The following TET1 variants were observed in gnomAD, a reference collection of about 807,000 sequenced individuals.
TET1 encodes tet methylcytosine dioxygenase 1, also known as methylcytosine dioxygenase TET1.
In TET1, 13 loss-of-function variants were observed where a neutral mutation model predicts 148.7. The ratio of observed to expected loss-of-function variants is 0.09; its 90% CI spans 0.06 to 0.14. The LOEUF (loss-of-function observed/expected upper bound fraction) is 0.14. Among genes scored for constraint, TET1 ranks in the 10% least tolerant of loss-of-function variants. The probability of loss-of-function intolerance (pLI) is 1.00; values close to 1 mark genes in which losing one functional copy is unlikely to be tolerated. For synonymous variants in TET1, 907 were observed against 937.2 expected, an observed-to-expected ratio of 0.97 and a Z score of 0.59; for missense variants, 2,182 against 2,553.8, an observed-to-expected ratio of 0.85 and a Z score of 3.14.
At chr10:68,611,872 GA>G (rs2054220534) in intron 3 of TET1, among the ~76,000 whole-genome samples, 1 of 136,284 alleles carries the variant, frequency 7.3e-6, no homozygotes, top group Non-Finnish European at 1.6e-5. Context: ...GAGAGAGAGA[GA>G]GAGAGAGGGA....
rs753082176 is a variant in TET1, at chr10:68,691,310, T to C, written c.5907T>C (p.Pro1969=). The change falls in exon 12 of 12, where the codon CCT becomes CCC. Residue 1969 remains proline (P), a synonymous_variant. Coordinates refer to ENST00000373644, the MANE Select transcript of TET1 (RefSeq NM_030625.3). The surrounding 1 kb of genome is among the most constrained non-coding windows in gnomAD (Gnocchi z 4.4). ...AGCAGCATTCTGAAGCAGATGAGCCTCCATCAGACGAACCCCTATCTGATG... is the reference window on the plus strand; with the variant it reads ...AGCAGCATTCTGAAGCAGATGAGCCCCCATCAGACGAACCCCTATCTGATG... ...EDEQHSEADE[P]PSDEPLSDDP... is the part of the protein sequence containing the mutation. 1.1e-5 allele frequency: 18 copies of C among 1,614,046 alleles called. No homozygotes were observed. The East Asian group carries it at 3.8e-4, about 34-fold the overall frequency.
intron 2 of TET1, among the ~76,000 whole-genome samples, chr10:68,581,486 G>A (rs1049639309): frequency 6.6e-6 from 1 of 152,186 alleles, no homozygotes; most frequent in Non-Finnish European, 1.5e-5. Flanking sequence ...AGACATTAGA[G>A]AGTAGGTGCT....
At chr10:68,615,179 C>T (rs1298371744) in intron 3 of TET1, among the ~76,000 whole-genome samples, 2 of 151,806 alleles carry the variant, frequency 1.3e-5, no homozygotes, top group Non-Finnish European at 2.9e-5. Context: ...GATCCACCCG[C>T]CTGGGCCTCC....
chr10:68,644,105 A>G (rs1179326284), intron 3 of TET1, among the ~76,000 whole-genome samples: 1 of 151,986 alleles, frequency 6.6e-6, no homozygotes, highest in Non-Finnish European at 1.5e-5. Context: ...GGGTTTCACC[A>G]TATTGGCCAT....
At position 68,693,101 on chromosome 10, in the gene TET1, A is replaced by G. The variant is rs2055614245; in HGVS notation, c.*1287A>G. ...TTTATCTTAGCATACTAGATTTGGG[A>G]AAATGATAACTCATCTTTTCTGATA... On this transcript the variant is annotated 3_prime_UTR_variant, in exon 12 of 12. Transcript: ENST00000373644. The G allele has an allele frequency of 4.4e-6, 1 of 229,750 alleles. No homozygotes were observed. The highest frequency in any genetic ancestry group is 8.5e-6 in the Non-Finnish European group (1 of 117,068). The allele number at this position is 229,750 out of a possible 1,614,324, so 14.2% of individuals were successfully genotyped here. A position where few individuals can be genotyped will look rare whatever the true frequency, so the allele number is the denominator to read the frequency against.
intron 6 of TET1, among the ~76,000 whole-genome samples, chr10:68,665,665 C>CT (rs1392548904): frequency 6.6e-6 from 1 of 151,824 alleles, no homozygotes; most frequent in East Asian, 1.9e-4. Flanking sequence ...ATTTTGACAA[C>CT]TTGAATATTA....
rs2055278033 is a variant in TET1 at position 68,671,961 on chromosome 10, C to T, written c.4674-934C>T. ...GTTTCCCCATGTTGGTCAGGGTGGT[C>T]TTGAACTCCTGACCTCATGATCCGC... On this transcript the variant is annotated intron_variant, in intron 7 of 11. Transcript: ENST00000373644. Among the ~76,000 whole-genome samples, 5 of 152,200 alleles carry T rather than the reference C, an allele frequency of 3.3e-5. 1 individual carries two copies. In the South Asian group the frequency reaches 1.0e-3, roughly 32 times the overall value.
chr10:68,635,911 G>A (rs1293709244), intron 3 of TET1, among the ~76,000 whole-genome samples: 1 of 152,180 alleles, frequency 6.6e-6, no homozygotes, highest in Non-Finnish European at 1.5e-5. Flanking sequence ...TGAGAGTGAA[G>A]CTTCAAGGAA....
At chr10:68,688,430 C>CTTTTT (rs56149036) in intron 11 of TET1, among the ~76,000 whole-genome samples, 1 of 90,114 alleles carries the variant, frequency 1.1e-5, no homozygotes, top group African/African-American at 4.2e-5. Context: ...CTTTTGATAG[C>CTTTTT]TTTTTTTTTT....
Position 68,646,162 on chromosome 10 carries a change from C to A in TET1, c.3433C>A (p.Pro1145Thr). The change falls in exon 4 of 12, where the codon CCA (proline) becomes ACA (threonine). Residue 1145 changes from proline (P) to threonine (T), a missense_variant. By Grantham distance (38) the Pro-to-Thr change is conservative. Around this residue, in one of 11 missense-constraint regions of TET1, gnomAD observed 582 missense variants for 599.5 expected, o/e 0.97. Coordinates refer to ENST00000373644, the MANE Select transcript of TET1 (RefSeq NM_030625.3). ...TTCATCATTAACAAAACAAAAGAACCCAACCCAGAAAAAGACAAAATCCAC... is the reference window on the plus strand; with the variant it reads ...TTCATCATTAACAAAACAAAAGAACACAACCCAGAAAAAGACAAAATCCAC... ...HGSSLTKQKN[P>T]TQKKTKSTPS... The A allele has an allele frequency of 6.2e-7, 1 of 1,613,080 alleles. No individual in the cohort carries two copies. The highest frequency in any genetic ancestry group is 8.5e-7 in the Non-Finnish European group (1 of 1,179,840).
At chr10:68,625,048 T>C (rs1351694844) in intron 3 of TET1, among the ~76,000 whole-genome samples, 1 of 152,170 alleles carries the variant, frequency 6.6e-6, no homozygotes, top group Non-Finnish European at 1.5e-5. Context: ...TTTCTTACTG[T>C]ATGTTCTCTT....
chr10:68,669,180 C>T (rs764049152), intron 7 of TET1, among the ~76,000 whole-genome samples: 3 of 151,960 alleles, frequency 2.0e-5, no homozygotes, highest in African/African-American at 7.3e-5. Flanking sequence ...AGGAGTTTGC[C>T]GTTACAGTGA....
intron 2 of TET1, among the ~76,000 whole-genome samples, chr10:68,582,182 C>A (rs558645567): frequency 1.3e-5 from 2 of 151,886 alleles, no homozygotes; most frequent in Non-Finnish European, 2.9e-5. Flanking sequence ...TCACCACAAC[C>A]TCCACCTCCT....
In TET1 at chr10:68,645,075, C is replaced by T. The variant is rs1464113750; in HGVS notation, c.2346C>T (p.Phe782=). The change falls in exon 4 of 12, where the codon TTC becomes TTT. Residue 782 remains phenylalanine, a synonymous_variant. Coordinates refer to ENST00000373644, the MANE Select transcript of TET1 (RefSeq NM_030625.3). ...TTAAAAAATTCAATATTGAAGAATT[C>T]GGCAAGACATTGGAAAACAATTCTT... The part of the protein sequence containing the change: ...VSFKKFNIEE[F]GKTLENNSYK... The T allele has an allele frequency of 5.0e-6, 8 of 1,612,302 alleles. No individual in the cohort carries two copies. The highest frequency in any genetic ancestry group is 6.8e-6 in the Non-Finnish European group (8 of 1,179,566).
rs148821783 is a variant in TET1 at position 68,576,672 on chromosome 10, T to C, written c.1914+2420T>C. The stretch of plus-strand genomic sequence containing the variant: ...AATGAGACCCTGTCTCAAAAATAAA[T>C]AAATAAATAAAAAGTACTGTGAACT... On this transcript the variant is annotated intron_variant, in intron 2 of 11. Coordinates refer to ENST00000373644, the MANE Select transcript of TET1 (RefSeq NM_030625.3). Among the ~76,000 whole-genome samples the C allele has an allele frequency of 6.4e-3, 970 of 152,236 alleles. 16 individuals carry two copies. Among genetic ancestry groups the C allele is most frequent in the African/African-American group, 0.022 (927 of 41,544 alleles).
chr10:68,644,773 G>A lies in TET1; in HGVS notation c.2044G>A (p.Glu682Lys). ...CTACAGTAGATGTGGTCATGGGGAA[G>A]AACAAAAATTGGAATTGAACCCACA... is the stretch of plus-strand genomic sequence containing the variant. Reference protein sequence around the residue: ...MDYSRCGHGEEQKLELNPHTV... With the variant: ...MDYSRCGHGEKQKLELNPHTV... The change falls in exon 4 of 12, where the codon GAA becomes AAA. Residue 682 changes from glutamate (E) to lysine (K), a missense_variant. Physicochemically the swap from Glu to Lys is moderately conservative, Grantham distance 56. Coordinates refer to ENST00000373644, the MANE Select transcript of TET1 (RefSeq NM_030625.3). 3.1e-6 allele frequency: 5 copies of A among 1,613,286 alleles called. No individual in the cohort carries two copies. Among genetic ancestry groups the A allele is most frequent in the South Asian group, 1.1e-5 (1 of 90,762 alleles).
chr10:68,600,081 C>T (rs1372482095), intron 2 of TET1, among the ~76,000 whole-genome samples: 2 of 152,132 alleles, frequency 1.3e-5, no homozygotes, highest in African/African-American at 4.8e-5. Context: ...GAATGAGACA[C>T]GCAGCCCAAC....
In TET1 at chr10:68,632,702, AAC is replaced by A. The variant is rs1160267603; in HGVS notation, c.1969-11992_1969-11991del. 1.1e-5 allele frequency: 18 copies of A among 1,609,724 alleles called. No homozygotes were observed. The East Asian group carries it at 4.0e-4, about 36-fold the overall frequency. On this transcript the variant is annotated intron_variant, in intron 3 of 11. Coordinates refer to ENST00000373644, the MANE Select transcript of TET1 (RefSeq NM_030625.3). ...GGTACCCACCTCGATCCTGAAAGAA[AAC>A]ACAACGGCGGCAGCAGCAATTGAAC...
chr10:68,684,628 C>T (rs79498432), intron 10 of TET1, among the ~76,000 whole-genome samples: 2,064 of 152,168 alleles, frequency 0.014, 40 homozygotes, highest in African/African-American at 0.047. Context: ...TTCCAGGGCC[C>T]GGATTACTCA....
Sources: gnomAD v4.1 joint callset for allele counts (sites outside exome capture counted in the v4.1 genomes callset) on GRCh38, gnomAD v4.1.1 for gene constraint, gnomAD v4.1.1 regional missense constraint, Gnocchi (gnomAD v3.1) non-coding constraint, MANE v1.5 for transcripts, NCBI Gene and HGNC (gene_info 2026-07-23, HGNC 2026-07-21) for gene names.